KIAA1217: variants seen among roughly 807,000 people sequenced by gnomAD.
KIAA1217 encodes KIAA1217, also known as sickle tail protein homolog.
In KIAA1217, 88 loss-of-function variants were observed where a neutral mutation model predicts 163.9. That is an observed-to-expected ratio of 0.54 (90% CI 0.45 to 0.64). The LOEUF (loss-of-function observed/expected upper bound fraction) is 0.64, where lower values mean the gene tolerates loss of function less well. Among genes scored for constraint, KIAA1217 ranks in the 30% least tolerant of loss-of-function variants. The pLI is 0.00. For missense variants in KIAA1217, 2,372 were observed against 2,475.0 expected (o/e 0.96, Z 0.88); for synonymous variants, 903 against 923.1 (o/e 0.98, Z 0.39).
chr10:24,473,365 C>T lies in KIAA1217; in HGVS notation c.984C>T (p.Ser328=), dbSNP rs1592221053. 6.2e-7 allele frequency: 1 copy of T among 1,608,224 alleles called. No homozygotes were observed. Among genetic ancestry groups the T allele is most frequent in the African/African-American group, 1.3e-5 (1 of 74,764 alleles). Residue 328 remains serine (S), a synonymous_variant, in exon 6 of 21, where the codon TCC becomes TCT. Transcript: ENST00000376454. ...PVPHSMPPSP[S]RIPYGGTRSM... is the part of the protein sequence containing the mutation. ...CCCATTCCATGCCCCCCTCCCCGTCCAGAATTCCTTATGGGGGCACCCGCT... is the reference window on the plus strand; with the variant it reads ...CCCATTCCATGCCCCCCTCCCCGTCTAGAATTCCTTATGGGGGCACCCGCT...
chr10:24,542,040 A>C (rs1001149823), intron 17 of KIAA1217, among the ~76,000 whole-genome samples: 1 of 152,202 alleles, frequency 6.6e-6, no homozygotes, highest in African/African-American at 2.4e-5. Flanking sequence ...GCACTTCGAC[A>C]CCTGCAGTAC....
At chr10:23,941,817 T>A (rs12247192) in intron 1 of KIAA1217, among the ~76,000 whole-genome samples, 22,775 of 152,112 alleles carry the variant, frequency 0.15, 3,643 homozygotes, top group African/African-American at 0.41. Context: ...AAACATAAAA[T>A]TTTCCATTGA....
chr10:24,462,640 C>T (rs975687135), intron 5 of KIAA1217, among the ~76,000 whole-genome samples: 3 of 152,190 alleles, frequency 2.0e-5, no homozygotes, highest in African/African-American at 4.8e-5. Context: ...CTATGTCTTT[C>T]ACTGAGTTCT....
At chr10:23,832,003 AT>A (rs2131042017) in intron 1 of KIAA1217, among the ~76,000 whole-genome samples, 1 of 152,246 alleles carries the variant, frequency 6.6e-6, no homozygotes, top group African/African-American at 2.4e-5. Context: ...CCAGTGGACA[AT>A]TCTCTAGTGG....
rs189026446 is a variant in KIAA1217 at position 24,501,873 on chromosome 10, C to A, written c.2001+328C>A. 3.8e-3 allele frequency among the ~76,000 whole-genome samples: 579 copies of A among 151,030 alleles called. 3 individuals carry two copies. Among genetic ancestry groups the A allele is most frequent in the African/African-American group, 0.013 (552 of 41,184 alleles). ...ACGCCATTCTCCTGCCTCAGCCTCC[C>A]GAGTAGCTGGAACTACAGGCGCCCG... is the stretch of plus-strand genomic sequence containing the variant. On this transcript the variant is annotated intron_variant, in intron 9 of 20. Coordinates refer to ENST00000376454, the MANE Select transcript of KIAA1217 (RefSeq NM_019590.5).
chr10:24,092,893 T>G (rs1025659832), intron 2 of KIAA1217, among the ~76,000 whole-genome samples: 5 of 149,456 alleles, frequency 3.3e-5, no homozygotes, highest in African/African-American at 5.1e-5. Flanking sequence ...AATTTTACTG[T>G]GTGTATGTAT....
chr10:24,018,552 GCAT>G (rs1425916128), intron 2 of KIAA1217, among the ~76,000 whole-genome samples: 1 of 107,944 alleles, frequency 9.3e-6, no homozygotes, highest in African/African-American at 2.8e-5. Flanking sequence ...AAAACTTAAA[GCAT>G]AATAATAATA....
chr10:23,829,244 T>C (rs946072161), intron 1 of KIAA1217, among the ~76,000 whole-genome samples: 1 of 152,180 alleles, frequency 6.6e-6, no homozygotes, highest in African/African-American at 2.4e-5. Context: ...GATTGAGTTA[T>C]GAAAACAATT....
At chr10:23,886,712 A>G (rs113484527) in intron 1 of KIAA1217, among the ~76,000 whole-genome samples, 3 of 152,120 alleles carry the variant, frequency 2.0e-5, no homozygotes, top group African/African-American at 7.2e-5. Context: ...TGTTATTAGC[A>G]TAGCCTCTTT....
intron 1 of KIAA1217, among the ~76,000 whole-genome samples, chr10:23,780,611 G>A (rs1564413598): frequency 6.6e-6 from 1 of 152,134 alleles, no homozygotes; most frequent in Non-Finnish European, 1.5e-5. Context: ...CTTTCTTAAA[G>A]TTGCAAATAG....
At chr10:24,043,968 AG>A (rs1241348527) in intron 2 of KIAA1217, among the ~76,000 whole-genome samples, 1 of 152,146 alleles carries the variant, frequency 6.6e-6, no homozygotes, top group East Asian at 1.9e-4. Flanking sequence ...AATATAAATA[AG>A]ACATATTTTT....
At chr10:24,500,008 G>A (rs1171448687) in intron 8 of KIAA1217, among the ~76,000 whole-genome samples, 1 of 152,184 alleles carries the variant, frequency 6.6e-6, no homozygotes, top group African/African-American at 2.4e-5. Context: ...ACTGGGGCCT[G>A]GCTGAGTTGT....
At chr10:24,272,741 C>G (rs965775921) in intron 2 of KIAA1217, among the ~76,000 whole-genome samples, 20 of 152,232 alleles carry the variant, frequency 1.3e-4, no homozygotes, top group Non-Finnish European at 2.4e-4. Flanking sequence ...GATCGGTTTT[C>G]ACGTGCTCTT....
At chr10:23,849,992 A>G (rs1481895011) in intron 1 of KIAA1217, among the ~76,000 whole-genome samples, 3 of 152,114 alleles carry the variant, frequency 2.0e-5, no homozygotes, top group Non-Finnish European at 2.9e-5. Flanking sequence ...AGAGACTGCA[A>G]TGGATTTTTT....
At chr10:24,186,341 A>T (rs1232819576) in intron 2 of KIAA1217, among the ~76,000 whole-genome samples, 2 of 152,150 alleles carry the variant, frequency 1.3e-5, no homozygotes, top group Admixed American at 6.6e-5. Context: ...TTCTTGAGTC[A>T]TACTTTACAC....
intron 2 of KIAA1217, among the ~76,000 whole-genome samples, chr10:24,336,169 G>A (rs1477664731): frequency 6.6e-6 from 1 of 152,184 alleles, no homozygotes; most frequent in Non-Finnish European, 1.5e-5. Context: ...GTGAACATGG[G>A]GAGGTGGAAG....
At chr10:23,782,621 C>T (rs1199152043) in intron 1 of KIAA1217, among the ~76,000 whole-genome samples, 3 of 151,964 alleles carry the variant, frequency 2.0e-5, no homozygotes, top group Admixed American at 6.6e-5. Flanking sequence ...TTAGTAGAGA[C>T]GGGGTTTCAC....
chr10:24,162,237 G>A (rs145217006), intron 2 of KIAA1217, among the ~76,000 whole-genome samples: 3 of 152,312 alleles, frequency 2.0e-5, no homozygotes, highest in East Asian at 1.9e-4. Context: ...CCAGTCCTCC[G>A]AAAGCATAAG....
At chr10:23,812,114 A>T (rs1407273495) in intron 1 of KIAA1217, among the ~76,000 whole-genome samples, 2 of 152,106 alleles carry the variant, frequency 1.3e-5, no homozygotes, top group Non-Finnish European at 2.9e-5. Context: ...AACCCACTTA[A>T]GTTTGAGATA....
Sources: gnomAD v4.1 joint callset for allele counts (sites outside exome capture counted in the v4.1 genomes callset) on GRCh38, gnomAD v4.1.1 for gene constraint, MANE v1.5 for transcripts, NCBI Gene and HGNC (gene_info 2026-07-23, HGNC 2026-07-21) for gene names.